Variants in UBA5 observed in about 807,000 individuals in gnomAD.
UBA5 encodes the protein ubiquitin like modifier activating enzyme 5.
In UBA5, 28 loss-of-function variants were observed where a neutral mutation model predicts 52.9. That is an observed-to-expected ratio of 0.53 (90% confidence interval 0.39 to 0.73). The LOEUF (loss-of-function observed/expected upper bound fraction) is 0.73, where lower values mean the gene tolerates loss of function less well. Ranked by LOEUF, UBA5 falls within the 30% of genes least tolerant of loss-of-function variation. The pLI, the probability that UBA5 is intolerant of heterozygous loss-of-function variation, is 0.00. For synonymous variants in UBA5, 135 were observed against 162.1 expected, an observed-to-expected ratio of 0.83 and a Z score of 1.27; for missense variants, 388 against 492.7, an observed-to-expected ratio of 0.79 and a Z score of 2.01.
upstream of UBA5, among the ~76,000 whole-genome samples, chr3:132,658,911 A>G (rs1428078124): frequency 6.6e-6 from 1 of 152,222 alleles, no homozygotes; most frequent in Admixed American, 6.5e-5. Flanking sequence ...TTTATGTAAC[A>G]TATTTAAACT....
At chr3:132,675,973 TATC>T (rs1938822573) in intron 11 of UBA5, 50 bp downstream of exon 11, 4 of 1,194,482 alleles carry the variant, frequency 3.3e-6, no homozygotes, top group Non-Finnish European at 4.7e-6. Context: ...ATAAAATATT[TATC>T]ATCTTCATTC....
chr3:132,675,652 A>G lies in UBA5; in HGVS notation c.996A>G (p.Glu332=), dbSNP rs752077195. The change falls in exon 10 of 12, where the codon GAA becomes GAG. Residue 332 remains glutamate (E), a synonymous_variant. Transcript: ENST00000356232. ...AACAAGAGGTTATACAAGAAGAGGA[A>G]GAGATAATCCATGAAGATAATGAAT... is the stretch of plus-strand genomic sequence containing the variant. ...LPKQEVIQEE[E]EIIHEDNEWG... 1.9e-6 allele frequency: 3 copies of G among 1,612,748 alleles called. No individual in the cohort carries two copies. The Admixed American group carries it at 5.0e-5, about 27-fold the overall frequency.
In UBA5 at chr3:132,660,936, G is replaced by A. The variant is rs540248255; in HGVS notation, c.161+238G>A. On this transcript the variant is annotated intron_variant, in intron 1 of 11. Transcript: ENST00000356232. The surrounding 1 kb of genome is among the most constrained non-coding windows in gnomAD (Gnocchi z 4.1). ...ATGGTGCTGCTCCTGTGCCTGCTGA[G>A]GACGTGTGTCCAGTTTCCTATCACC... 1 of 1,489,798 alleles carries A rather than the reference G, an allele frequency of 6.7e-7. No individual in the cohort carries two copies. Among genetic ancestry groups the A allele is most frequent in the South Asian group, 1.3e-5 (1 of 78,602 alleles). 92.3% of individuals were successfully genotyped at this position (1,489,798 alleles called of 1,614,324 possible).
chr3:132,676,605 A>G lies in UBA5; in HGVS notation c.*79A>G. 1.0e-6 allele frequency: 1 copy of G among 964,710 alleles called. No individual in the cohort carries two copies. Among genetic ancestry groups the G allele is most frequent in the Non-Finnish European group, 1.6e-6 (1 of 629,460 alleles). The allele number at this position is 964,710 out of a possible 1,614,324, so 59.8% of individuals were successfully genotyped here. On this transcript the variant is annotated 3_prime_UTR_variant, in exon 12 of 12. Coordinates refer to ENST00000356232, the MANE Select transcript of UBA5 (RefSeq NM_024818.6). This position sits in a 1 kb window ranked among gnomAD's most constrained non-coding sequence, Gnocchi z 4.1. ...TTAAAAAAAAATTTTAACTGATAAAACTTAGGGCAACATTAATTAATGTAT... is the reference window on the plus strand; with the variant it reads ...TTAAAAAAAAATTTTAACTGATAAAGCTTAGGGCAACATTAATTAATGTAT...
intron 3 of UBA5, 28 bp from the exon 4 acceptor site, chr3:132,668,790 C>T: frequency 7.0e-7 from 1 of 1,436,062 alleles, no homozygotes; most frequent in Non-Finnish European, 9.6e-7. Context: ...GTATGTTTTT[C>T]ATCAGAATAC....
At chr3:132,664,275 G>A (rs897944781) in intron 1 of UBA5, among the ~76,000 whole-genome samples, 3 of 152,154 alleles carry the variant, frequency 2.0e-5, no homozygotes, top group Non-Finnish European at 4.4e-5. Flanking sequence ...AATGTTGAAA[G>A]ACAATTCTAA....
chr3:132,655,319 T>C (rs540650518), intron 1 of UBA5, among the ~76,000 whole-genome samples: 5 of 150,624 alleles, frequency 3.3e-5, no homozygotes, highest in Non-Finnish European at 5.9e-5. Flanking sequence ...TTTGTTGTTG[T>C]TGTTTGTTTG....
Position 132,679,497 on chromosome 3 carries a change from ATAAAT to A in UBA5, c.*2972_*2976del, listed in dbSNP as rs1212823479. On this transcript the variant is annotated 3_prime_UTR_variant, in exon 12 of 12. Transcript: ENST00000356232. ...TGAGAACGTTTGGGTTGGTAGTAAA[ATAAAT>A]AGTAATATCAAAATAGTTTATTATG... Among the ~76,000 whole-genome samples, 3 of 152,308 alleles carry A rather than the reference ATAAAT, an allele frequency of 2.0e-5. No homozygotes were observed. Among genetic ancestry groups the A allele is most frequent in the East Asian group, 3.9e-4 (2 of 5,186 alleles).
chr3:132,656,608 C>T (rs567511138), upstream of UBA5, among the ~76,000 whole-genome samples: 19 of 152,112 alleles, frequency 1.2e-4, no homozygotes, highest in East Asian at 5.8e-4. Flanking sequence ...ATTCTCCTGC[C>T]TCAGCCTCCC....
upstream of UBA5, chr3:132,660,299 T>G: frequency 1.7e-6 from 1 of 584,702 alleles, no homozygotes; most frequent in Non-Finnish European, 3.0e-6. The surrounding 1 kb of genome is among the most constrained non-coding windows in gnomAD (Gnocchi z 4.1). Flanking sequence ...AAGAGCCAGG[T>G]TTTTGATGAG....
rs1938102418 is a variant in UBA5, at chr3:132,660,627, C to G, written c.90C>G (p.Ser30Arg). The change falls in exon 1 of 12, where the codon AGC becomes AGG. Residue 30 changes from serine (S) to arginine (R), a missense_variant. Ser to Arg is a moderately radical substitution (Grantham distance 110). Coordinates refer to ENST00000356232, the MANE Select transcript of UBA5 (RefSeq NM_024818.6). The surrounding 1 kb of genome is among the most constrained non-coding windows in gnomAD (Gnocchi z 4.1). Reference sequence around the variant, plus strand: ...AGAGGAGTCTGCAGGTCCCGAGGAGCGGCGACGGAGGGGGCGGCCGGGTCC... The same window carrying G: ...AGAGGAGTCTGCAGGTCCCGAGGAGGGGCGACGGAGGGGGCGGCCGGGTCC... The part of the protein sequence containing the change: ...AQERSLQVPR[S>R]GDGGGGRVRI... The G allele has an allele frequency of 1.9e-6, 3 of 1,564,650 alleles. No individual in the cohort carries two copies. Among genetic ancestry groups the G allele is most frequent in the Non-Finnish European group, 2.6e-6 (3 of 1,155,048 alleles).
chr3:132,676,814 G>A lies in UBA5; in HGVS notation c.*288G>A, dbSNP rs1321311662. On this transcript the variant is annotated 3_prime_UTR_variant, in exon 12 of 12. Coordinates refer to ENST00000356232, the MANE Select transcript of UBA5 (RefSeq NM_024818.6). This position sits in a 1 kb window ranked among gnomAD's most constrained non-coding sequence, Gnocchi z 4.1. ...TGAAATGTTTTGGCCTTTTGGAGTG[G>A]GGGAAGGACAAATCTGATCCTGTAA... The A allele has an allele frequency of 2.1e-6, 1 of 486,144 alleles. No homozygotes were observed. The highest frequency in any genetic ancestry group is 4.1e-6 in the Non-Finnish European group (1 of 246,600). 30.1% of individuals were successfully genotyped at this position (486,144 alleles called of 1,614,324 possible).
At chr3:132,667,081 TG>T (rs1559989790) in intron 3 of UBA5, among the ~76,000 whole-genome samples, 1 of 152,178 alleles carries the variant, frequency 6.6e-6, no homozygotes, top group African/African-American at 2.4e-5. Context: ...CTGATGCTGA[TG>T]TTGCTAGGAT....
intron 1 of UBA5, among the ~76,000 whole-genome samples, chr3:132,661,908 G>A (rs10935027): frequency 0.093 from 14,139 of 152,212 alleles, 833 homozygotes; most frequent in Middle Eastern, 0.14. Flanking sequence ...AATATGAACG[G>A]TTAATGGTCC....
upstream of UBA5, chr3:132,659,539 C>G: frequency 6.2e-7 from 1 of 1,601,726 alleles, no homozygotes; most frequent in Non-Finnish European, 8.5e-7. Context: ...CCACCCAGGG[C>G]CAAAGGAAGG....
At chr3:132,654,954 T>C (rs1454169583) in intron 1 of UBA5, among the ~76,000 whole-genome samples, 1 of 152,246 alleles carries the variant, frequency 6.6e-6, no homozygotes, top group African/African-American at 2.4e-5. Flanking sequence ...GCTCCTAGGC[T>C]ATAAACCTGT....
chr3:132,657,064 TTAAAA>T (rs1171912189), upstream of UBA5, among the ~76,000 whole-genome samples: 2 of 152,190 alleles, frequency 1.3e-5, no homozygotes, highest in African/African-American at 4.8e-5. Flanking sequence ...GCTGTTGTCT[TTAAAA>T]TATTTTCTTC....
rs915507665 is a variant in UBA5 at position 132,679,123 on chromosome 3, C to T, written c.*2597C>T. Among the ~76,000 whole-genome samples the T allele has an allele frequency of 4.0e-5, 6 of 151,692 alleles. No individual in the cohort carries two copies. The highest frequency in any genetic ancestry group is 1.5e-4 in the African/African-American group (6 of 41,322). On this transcript the variant is annotated 3_prime_UTR_variant, in exon 12 of 12. Coordinates refer to ENST00000356232, the MANE Select transcript of UBA5 (RefSeq NM_024818.6). Reference sequence around the variant, plus strand: ...TCTCTACTAAAAATACAAAAATTAGCCGGGCGTGGTGGTGCGTGACTGTAA... The same window carrying T: ...TCTCTACTAAAAATACAAAAATTAGTCGGGCGTGGTGGTGCGTGACTGTAA...
Position 132,678,591 on chromosome 3 carries a change from TC to T in UBA5, c.*2068del, listed in dbSNP as rs1293351835. ...TACTAGTTTCTTCTCATAAAAATACTCCCTGGATACGTACACTGAACAACAC... is the reference window on the plus strand; with the variant it reads ...TACTAGTTTCTTCTCATAAAAATACTCCTGGATACGTACACTGAACAACAC... On this transcript the variant is annotated 3_prime_UTR_variant, in exon 12 of 12. Transcript: ENST00000356232. 6.6e-6 allele frequency among the ~76,000 whole-genome samples: 1 copy of T among 152,182 alleles called. No homozygotes were observed. Among genetic ancestry groups the T allele is most frequent in the South Asian group, 2.1e-4 (1 of 4,830 alleles).
Sources: gnomAD v4.1 joint callset for allele counts (sites outside exome capture counted in the v4.1 genomes callset) on GRCh38, gnomAD v4.1.1 for gene constraint, Gnocchi (gnomAD v3.1) non-coding constraint, MANE v1.5 for transcripts, NCBI Gene and HGNC (gene_info 2026-07-23, HGNC 2026-07-21) for gene names.